NRXN1: variants seen among roughly 807,000 people sequenced by gnomAD.
The protein encoded by NRXN1 is neurexin-1.
A neutral mutation model predicts 150.9 loss-of-function variants in NRXN1; 39 were observed. The ratio of observed to expected loss-of-function variants is 0.26; its 90% CI spans 0.20 to 0.34. NRXN1 has a LOEUF of 0.34. Among genes scored for constraint, NRXN1 ranks in the 10% least tolerant of loss-of-function variants. The probability of loss-of-function intolerance (pLI) is 1.00; values close to 1 mark genes in which losing one functional copy is unlikely to be tolerated. For synonymous variants in NRXN1, 924 were observed against 757.0 expected (o/e 1.22, Z -3.62); for missense variants, 1,815 against 1,949.9 (o/e 0.93, Z 1.30).
At chr2:50,948,036 ATTTAT>A (rs147052029) in intron 2 of NRXN1, among the ~76,000 whole-genome samples, 3,304 of 151,968 alleles carry the variant, frequency 0.022, 110 homozygotes, top group East Asian at 0.078. Flanking sequence ...CTGGCAAGTT[ATTTAT>A]TTTATTTTAA....
chr2:50,116,703 AAC>A (rs1160849470), intron 18 of NRXN1, among the ~76,000 whole-genome samples: 3 of 152,106 alleles, frequency 2.0e-5, no homozygotes, highest in Admixed American at 2.0e-4. Flanking sequence ...TTCCTTCCCC[AAC>A]ACAGCTCTGT....
intron 2 of NRXN1, chr2:50,964,058 A>G: frequency 2.5e-6 from 1 of 392,914 alleles, no homozygotes; most frequent in African/African-American, 2.1e-5. Context: ...ATATGAAATG[A>G]AGGTATTAAG....
intron 2 of NRXN1, among the ~76,000 whole-genome samples, chr2:51,014,227 G>A (rs1668323000): frequency 6.6e-6 from 1 of 152,028 alleles, no homozygotes; most frequent in South Asian, 2.1e-4. Context: ...GCCAGCTGAA[G>A]TGATAGTGGG....
At chr2:50,943,318 G>A (rs1332663007) in intron 2 of NRXN1, among the ~76,000 whole-genome samples, 1 of 152,026 alleles carries the variant, frequency 6.6e-6, no homozygotes, top group African/African-American at 2.4e-5. Flanking sequence ...AAGTAATGGT[G>A]GTTTTTGCAA....
chr2:50,077,093 G>A (rs567601742), intron 19 of NRXN1, among the ~76,000 whole-genome samples: 1 of 152,254 alleles, frequency 6.6e-6, no homozygotes, highest in East Asian at 1.9e-4. Flanking sequence ...GATACTGTAA[G>A]CTGTCTTATA....
intron 17 of NRXN1, among the ~76,000 whole-genome samples, chr2:50,463,605 TA>T (rs2088483945): frequency 6.6e-6 from 1 of 151,770 alleles, no homozygotes; most frequent in Non-Finnish European, 1.5e-5. Flanking sequence ...AGAGCAGCAT[TA>T]AAATAGTTTT....
Position 50,070,746 on chromosome 2 carries a change from G to A in NRXN1, c.3719-15702C>T, listed in dbSNP as rs182794080. 5.6e-3 allele frequency among the ~76,000 whole-genome samples: 812 copies of A among 145,274 alleles called. 8 individuals carry two copies. The highest frequency in any genetic ancestry group is 0.02 in the African/African-American group (777 of 38,384). ...GATCCCGCCACTGCACTCCAGCCTG[G>A]GCGACAGAGCGAGACTCCGTCTCAA... On this transcript the variant is annotated intron_variant, in intron 19 of 22. Transcript: ENST00000401669.
intron 2 of NRXN1, among the ~76,000 whole-genome samples, chr2:50,995,471 A>G (rs2105029691): frequency 6.6e-6 from 1 of 152,004 alleles, no homozygotes; most frequent in Middle Eastern, 3.4e-3. Flanking sequence ...CTGGTGTGGC[A>G]GTGCACACCT....
intron 8 of NRXN1, among the ~76,000 whole-genome samples, chr2:50,580,465 G>A (rs1166211053): frequency 6.6e-6 from 1 of 152,178 alleles, no homozygotes; most frequent in Admixed American, 6.6e-5. Context: ...ATTATTTTTA[G>A]TTGTTACTTG....
At chr2:49,947,436 GTC>G (rs1441241775) in intron 21 of NRXN1, among the ~76,000 whole-genome samples, 1 of 150,676 alleles carries the variant, frequency 6.6e-6, no homozygotes, top group Admixed American at 6.6e-5. Context: ...TACTATCATT[GTC>G]TCTTTTTGAC....
chr2:50,806,432 C>T (rs1574539700), intron 5 of NRXN1, among the ~76,000 whole-genome samples: 1 of 152,056 alleles, frequency 6.6e-6, no homozygotes, highest in East Asian at 1.9e-4. Context: ...ATGGCAAATG[C>T]ATTTTTATGA....
At position 50,053,331 on chromosome 2, in the gene NRXN1, C is replaced by A. The variant is rs74714098; in HGVS notation, c.4068G>T (p.Thr1356=). ...TTCTGGCTGTGCTAGTAGCCAGGGT[C>A]GTGGTAGTCTCCATAATTGATGTGG... ...EMSTSIMETT[T]TLATSTARRG... is the part of the protein sequence containing the mutation. Residue 1356 remains threonine, a synonymous_variant, in exon 21 of 23, where the codon ACG becomes ACT. Coordinates refer to ENST00000401669, the MANE Select transcript of NRXN1 (RefSeq NM_001330078.2). The A allele has an allele frequency of 1.9e-6, 3 of 1,613,952 alleles. No individual in the cohort carries two copies. Among genetic ancestry groups the A allele is most frequent in the Non-Finnish European group, 2.5e-6 (3 of 1,179,906 alleles).
chr2:50,881,214 T>C (rs756241428), intron 5 of NRXN1, among the ~76,000 whole-genome samples: 1 of 151,952 alleles, frequency 6.6e-6, no homozygotes, highest in Non-Finnish European at 1.5e-5. Context: ...TGATATGTGA[T>C]CTCATCTTAA....
At chr2:50,476,340 G>C (rs762123026) in intron 15 of NRXN1, among the ~76,000 whole-genome samples, 8 of 152,082 alleles carry the variant, frequency 5.3e-5, no homozygotes, top group Non-Finnish European at 8.8e-5. Context: ...TAGGGCACAG[G>C]CATTTTGGTT....
At chr2:50,199,963 C>T (rs1188548366) in intron 18 of NRXN1, among the ~76,000 whole-genome samples, 1 of 152,086 alleles carries the variant, frequency 6.6e-6, no homozygotes, top group Non-Finnish European at 1.5e-5. Context: ...ATCCTTGCAG[C>T]CTTCTATTAT....
At chr2:50,187,238 T>C (rs1418417107) in intron 18 of NRXN1, among the ~76,000 whole-genome samples, 1 of 151,906 alleles carries the variant, frequency 6.6e-6, no homozygotes, top group Admixed American at 6.6e-5. Context: ...GGAACTGTCA[T>C]AGCAGTCTTG....
rs557705886 is a variant in NRXN1 at position 50,618,043 on chromosome 2, T to G, written c.1320+1979A>C. On this transcript the variant is annotated intron_variant, in intron 8 of 22. Coordinates refer to ENST00000401669, the MANE Select transcript of NRXN1 (RefSeq NM_001330078.2). Reference sequence around the variant, plus strand: ...AGAGTTCTTTAGTTAGATTCCCATTTCTGCTAGAGTTCCCTCGATTCCCCT... The same window carrying G: ...AGAGTTCTTTAGTTAGATTCCCATTGCTGCTAGAGTTCCCTCGATTCCCCT... 4.6e-5 allele frequency among the ~76,000 whole-genome samples: 7 copies of G among 152,286 alleles called. No individual in the cohort carries two copies. The East Asian group carries it at 1.4e-3, about 29-fold the overall frequency.
intron 5 of NRXN1, chr2:50,913,011 T>C (rs1574912223): frequency 6.6e-6 from 1 of 151,838 alleles, no homozygotes; most frequent in Non-Finnish European, 1.5e-5. Flanking sequence ...AGAATGCCAC[T>C]GGTCACTGAA....
intron 17 of NRXN1, among the ~76,000 whole-genome samples, chr2:50,395,691 C>G (rs117503969): frequency 2.6e-5 from 4 of 152,252 alleles, no homozygotes; most frequent in South Asian, 4.2e-4. Flanking sequence ...AAAAGCTTTA[C>G]AAGCACTATA....
Sources: allele counts gnomAD v4.1 joint callset (sites outside exome capture counted in the v4.1 genomes callset), GRCh38; gene constraint gnomAD v4.1.1; transcripts MANE v1.5; gene names NCBI Gene and HGNC (gene_info 2026-07-23, HGNC 2026-07-21).